Variants in ZGRF1 observed in about 807,000 individuals in gnomAD.
The protein encoded by ZGRF1 is zinc finger GRF-type containing 1.
Under a neutral mutation model 203.5 loss-of-function variants are expected in ZGRF1, and 196 were observed. The observed-to-expected ratio is 0.96, with a 90% CI of 0.86 to 1.08. The LOEUF (loss-of-function observed/expected upper bound fraction) is 1.08. Among genes scored for constraint, ZGRF1 ranks in the 50% least tolerant of loss-of-function variants. The pLI, the probability that ZGRF1 is intolerant of heterozygous loss-of-function variation, is 0.00. For synonymous variants in ZGRF1, 809 were observed against 841.3 expected (o/e 0.96, Z 0.66); for missense variants, 2,326 against 2,416.3 (o/e 0.96, Z 0.78).
At chr4:112,555,944 TTTC>T (rs1322070554) in intron 20 of ZGRF1, among the ~76,000 whole-genome samples, 1 of 152,112 alleles carries the variant, frequency 6.6e-6, no homozygotes, top group African/African-American at 2.4e-5. Flanking sequence ...GTTTTTTTGT[TTTC>T]TTTTGTTTTT....
rs571508267 is a variant in ZGRF1, at chr4:112,563,343, T to C, written c.4439-69A>G. On this transcript the variant is annotated intron_variant, in intron 16 of 27. Transcript: ENST00000505019. ...TATGGTTTTATATTTTTAGAAATTA[T>C]ATATATTTGCATATGTGTGTACATA... 6.8e-5 allele frequency: 81 copies of C among 1,197,194 alleles called. 1 individual carries two copies. The East Asian group carries it at 2.0e-3, about 30-fold the overall frequency. The allele number at this position is 1,197,194 out of a possible 1,614,324, so 74.2% of individuals were successfully genotyped here.
At chr4:112,560,290 A>T (rs1363454082) in intron 19 of ZGRF1, among the ~76,000 whole-genome samples, 1 of 152,220 alleles carries the variant, frequency 6.6e-6, no homozygotes. Flanking sequence ...GGATATTGAA[A>T]GCAGTTTCTG....
chr4:112,631,467 C>T lies in ZGRF1; in HGVS notation c.102+463G>A, dbSNP rs997928406. Among the ~76,000 whole-genome samples, 4 of 152,048 alleles carry T rather than the reference C, an allele frequency of 2.6e-5. No homozygotes were observed. In the East Asian group the frequency reaches 5.8e-4, roughly 22 times the overall value. On this transcript the variant is annotated intron_variant, in intron 3 of 27. Transcript: ENST00000505019. ...GGCAGCTCACCTGAGGTCAGGAGTT[C>T]GAGACAAGCCTGGGAAACATGGTGA...
chr4:112,583,623 T>G (rs1192399911), intron 15 of ZGRF1, among the ~76,000 whole-genome samples: 1 of 151,740 alleles, frequency 6.6e-6, no homozygotes, highest in African/African-American at 2.4e-5. Flanking sequence ...CTGGGCAACA[T>G]AGCAAGACCC....
chr4:112,613,336 T>C (rs1315504364), intron 6 of ZGRF1, among the ~76,000 whole-genome samples: 3 of 152,106 alleles, frequency 2.0e-5, no homozygotes, highest in Non-Finnish European at 4.4e-5. Context: ...TTCTAGTCTA[T>C]CTTAAATCCA....
intron 16 of ZGRF1, among the ~76,000 whole-genome samples, chr4:112,563,615 G>T (rs1417702172): frequency 6.6e-6 from 1 of 152,174 alleles, no homozygotes; most frequent in African/African-American, 2.4e-5. Context: ...AAATCCCTAG[G>T]TTTTGCATAA....
rs146533933 is a variant in ZGRF1, at chr4:112,587,457, C to A, written c.3600G>T (p.Val1200=). 15 of 1,613,928 alleles carry A rather than the reference C, an allele frequency of 9.3e-6. No individual in the cohort carries two copies. The highest frequency in any genetic ancestry group is 1.3e-5 in the Non-Finnish European group (15 of 1,179,840). ...GCATGCCTTTTATCATTTGCAAATG[C>A]ACAGAGTCTAAAGAGCTTTCATTGA... ...DAVNESSLDS[V]HLQMIKGMLY... Residue 1200 remains valine (V), a synonymous_variant, in exon 12 of 28, where the codon GTG becomes GTT. Coordinates refer to ENST00000505019, the MANE Select transcript of ZGRF1 (RefSeq NM_018392.5).
At chr4:112,544,089 T>G (rs1419834770) in intron 24 of ZGRF1, among the ~76,000 whole-genome samples, 3 of 152,072 alleles carry the variant, frequency 2.0e-5, no homozygotes, top group Non-Finnish European at 4.4e-5. Context: ...ATAGAAGAAG[T>G]AGAAAGTTTT....
intron 10 of ZGRF1, among the ~76,000 whole-genome samples, chr4:112,591,932 T>C (rs1403620013): frequency 6.6e-6 from 1 of 152,146 alleles, no homozygotes; most frequent in East Asian, 1.9e-4. Context: ...GAGGGAAAGA[T>C]CATGCCTGCT....
At chr4:112,574,556 T>G (rs1744795742) in intron 16 of ZGRF1, among the ~76,000 whole-genome samples, 1 of 152,166 alleles carries the variant, frequency 6.6e-6, no homozygotes, top group South Asian at 2.1e-4. Flanking sequence ...TGTAGGTTGG[T>G]ATAAAGGTAC....
chr4:112,595,814 T>G (rs947332850), intron 10 of ZGRF1, among the ~76,000 whole-genome samples: 153 of 152,318 alleles, frequency 1.0e-3, no homozygotes, highest in African/African-American at 3.5e-3. Flanking sequence ...TTTTAAAGTC[T>G]AGGATAAAAA....
At position 112,597,512 on chromosome 4, in the gene ZGRF1, A is replaced by G. The variant is rs139271109; in HGVS notation, c.2976+6012T>C. ...GCACTCCAGCCTAAGGAAGAGAGTG[A>G]GACCTTGTCTCTAATAATAATAATA... On this transcript the variant is annotated intron_variant, in intron 10 of 27. Coordinates refer to ENST00000505019, the MANE Select transcript of ZGRF1 (RefSeq NM_018392.5). Among the ~76,000 whole-genome samples the G allele has an allele frequency of 6.8e-3, 1,029 of 152,152 alleles. 15 individuals are homozygous for G. The highest frequency in any genetic ancestry group is 0.023 in the African/African-American group (973 of 41,504).
At chr4:112,598,160 A>G (rs1184309969) in intron 10 of ZGRF1, among the ~76,000 whole-genome samples, 2 of 152,168 alleles carry the variant, frequency 1.3e-5, no homozygotes, top group Admixed American at 1.3e-4. Flanking sequence ...TGTCAATTAT[A>G]CAGTGCATAC....
rs143824445 is a variant in ZGRF1 at position 112,593,344 on chromosome 4, A to G, written c.2977-3470T>C. On this transcript the variant is annotated intron_variant, in intron 10 of 27. Coordinates refer to ENST00000505019, the MANE Select transcript of ZGRF1 (RefSeq NM_018392.5). ...CTTTCACTGCCACAATCCCTACTTC[A>G]ATTCACTATCATCAAAGCATTCTCT... Among the ~76,000 whole-genome samples, 16 of 152,276 alleles carry G rather than the reference A, an allele frequency of 1.1e-4. No individual in the cohort carries two copies. In the East Asian group the frequency reaches 3.1e-3, roughly 29 times the overall value.
intron 8 of ZGRF1, 132 bp downstream of exon 8, chr4:112,609,247 G>A (rs1373448548): frequency 7.1e-6 from 2 of 283,244 alleles, no homozygotes; most frequent in Admixed American, 4.4e-5. Context: ...TAGAGACGGG[G>A]TTTTACCATG....
chr4:112,586,749 A>G (rs1430007052), intron 12 of ZGRF1, among the ~76,000 whole-genome samples, 166 bp from the exon 13 acceptor site: 2 of 152,342 alleles, frequency 1.3e-5, no homozygotes, highest in East Asian at 3.9e-4. Context: ...AAATATAGCA[A>G]GAATAGCTAC....
chr4:112,574,069 A>C (rs1404163141), intron 16 of ZGRF1, among the ~76,000 whole-genome samples: 2 of 152,220 alleles, frequency 1.3e-5, no homozygotes, highest in African/African-American at 4.8e-5. Context: ...TTGGCATCAC[A>C]ATCTAAAGAT....
At chr4:112,602,641 A>T (rs1056553908) in intron 10 of ZGRF1, among the ~76,000 whole-genome samples, 11 of 152,348 alleles carry the variant, frequency 7.2e-5, no homozygotes, top group African/African-American at 1.2e-4. Context: ...AACACAAATA[A>T]CACAAACATC....
Position 112,617,902 on chromosome 4 carries a change from A to G in ZGRF1, c.2140T>C (p.Phe714Leu), listed in dbSNP as rs542188505. The G allele has an allele frequency of 1.9e-6, 3 of 1,613,898 alleles. No homozygotes were observed. In the South Asian group the frequency reaches 3.3e-5, roughly 18 times the overall value. ...TTGTCTAAGTCACTTCCCAAAATAA[A>G]AGGCTGAGGTTGAGCATCTTCTGAA... is the stretch of plus-strand genomic sequence containing the variant. ...LFSEDAQPQP[F>L]ILGSDLDKND... The change falls in exon 6 of 28, where the codon TTT becomes CTT. Residue 714 changes from phenylalanine (F) to leucine (L), a missense_variant. Phe to Leu is a conservative substitution (Grantham distance 22). Coordinates refer to ENST00000505019, the MANE Select transcript of ZGRF1 (RefSeq NM_018392.5).
Sources: gnomAD v4.1 joint callset for allele counts (sites outside exome capture counted in the v4.1 genomes callset) on GRCh38, gnomAD v4.1.1 for gene constraint, MANE v1.5 for transcripts, NCBI Gene and HGNC (gene_info 2026-07-23, HGNC 2026-07-21) for gene names.